NAV2: variants seen among roughly 807,000 people sequenced by gnomAD.
NAV2 encodes helicase, APC down-regulated 1.
Under a neutral mutation model 223.2 loss-of-function variants are expected in NAV2, and 54 were observed. The observed-to-expected ratio is 0.24, with a 90% CI of 0.19 to 0.30. The LOEUF (loss-of-function observed/expected upper bound fraction) is 0.30. Ranked by LOEUF, NAV2 falls within the 10% of genes least tolerant of loss-of-function variation. NAV2 has a pLI of 1.00. For missense variants in NAV2, 2,806 were observed against 3,147.5 expected, an observed-to-expected ratio of 0.89 and a Z score of 2.60; for synonymous variants, 1,279 against 1,239.3, an observed-to-expected ratio of 1.03 and a Z score of -0.67.
At chr11:20,079,386 G>T (rs1045212033) in intron 24 of NAV2, among the ~76,000 whole-genome samples, 4 of 152,102 alleles carry the variant, frequency 2.6e-5, no homozygotes, top group Non-Finnish European at 5.9e-5. Flanking sequence ...ACTGAAGTGG[G>T]GCTAGAACCT....
At chr11:20,014,727 C>T (rs1409100751) in intron 11 of NAV2, among the ~76,000 whole-genome samples, 1 of 152,138 alleles carries the variant, frequency 6.6e-6, no homozygotes, top group Non-Finnish European at 1.5e-5. Context: ...CATGGCGAAA[C>T]CCTCTCTCTA....
intron 21 of NAV2, 28 bp from the exon 22 acceptor site, chr11:20,068,296 A>C: frequency 6.2e-7 from 1 of 1,612,462 alleles, no homozygotes. Context: ...CCCCCAAAGC[A>C]TGTAACCCTC....
At chr11:19,551,745 A>G (rs2044696776) in intron 1 of NAV2, among the ~76,000 whole-genome samples, 1 of 150,732 alleles carries the variant, frequency 6.6e-6, no homozygotes, top group Admixed American at 6.6e-5. Flanking sequence ...TGGGGGAAAA[A>G]ATGGTTAGTT....
intron 1 of NAV2, among the ~76,000 whole-genome samples, chr11:19,523,791 A>T (rs1051144316): frequency 2.0e-5 from 3 of 151,986 alleles, no homozygotes; most frequent in Admixed American, 6.6e-5. Context: ...CTCACTCTCT[A>T]TACCCCAGTG....
At chr11:19,846,563 T>C (rs1469655494) in intron 3 of NAV2, among the ~76,000 whole-genome samples, 1 of 152,204 alleles carries the variant, frequency 6.6e-6, no homozygotes, top group African/African-American at 2.4e-5. Flanking sequence ...CACAACCCGG[T>C]TGGAAACGGC....
At chr11:19,943,448 G>A (rs796149770) in intron 8 of NAV2, among the ~76,000 whole-genome samples, 8 of 152,208 alleles carry the variant, frequency 5.3e-5, no homozygotes, top group Non-Finnish European at 1.0e-4. Flanking sequence ...GGTGGAAGGA[G>A]AAATTGGAAA....
At chr11:20,046,301 A>T (rs993271814) in intron 14 of NAV2, among the ~76,000 whole-genome samples, 7 of 150,002 alleles carry the variant, frequency 4.7e-5, no homozygotes, top group African/African-American at 1.7e-4. Context: ...ACACCACTGC[A>T]CTCCAGCCTG....
intron 1 of NAV2, among the ~76,000 whole-genome samples, chr11:19,770,693 G>A (rs1239299602): frequency 6.6e-6 from 1 of 152,130 alleles, no homozygotes. Flanking sequence ...TTTCAAATTA[G>A]TCTTCAATTA....
At chr11:19,492,271 T>TC (rs1388140122) in intron 1 of NAV2, among the ~76,000 whole-genome samples, 1 of 151,652 alleles carries the variant, frequency 6.6e-6, no homozygotes, top group Non-Finnish European at 1.5e-5. Context: ...CCACAACCTT[T>TC]CAATTTGTTT....
At chr11:19,583,735 A>G (rs1168500214) in intron 1 of NAV2, among the ~76,000 whole-genome samples, 1 of 152,136 alleles carries the variant, frequency 6.6e-6, no homozygotes, top group South Asian at 2.1e-4. Context: ...AGCCCACTTG[A>G]TCGTGGTGGA....
chr11:19,897,764 C>T (rs916900940), intron 6 of NAV2, among the ~76,000 whole-genome samples: 2 of 151,776 alleles, frequency 1.3e-5, no homozygotes, highest in African/African-American at 4.8e-5. Flanking sequence ...TCTGCAGAAC[C>T]TTTAGGAAAA....
At chr11:19,836,563 CAAAA>C (rs34706618) in intron 2 of NAV2, among the ~76,000 whole-genome samples, 4 of 82,558 alleles carry the variant, frequency 4.8e-5, no homozygotes, top group Non-Finnish European at 8.7e-5. Flanking sequence ...GACTCTGTCT[CAAAA>C]AAAAAAAAAA....
chr11:19,435,723 C>A (rs749720184), intron 1 of NAV2, among the ~76,000 whole-genome samples: 24 of 152,202 alleles, frequency 1.6e-4, no homozygotes, highest in Non-Finnish European at 3.4e-4. Flanking sequence ...CTTCCATAGT[C>A]TCACCAACAC....
chr11:19,552,351 A>G (rs1191076024), intron 1 of NAV2, among the ~76,000 whole-genome samples: 2 of 152,162 alleles, frequency 1.3e-5, no homozygotes, highest in Non-Finnish European at 2.9e-5. Context: ...TTGAGTGTTC[A>G]GCCTCCCCAC....
At chr11:19,592,156 T>C (rs2046079479) in intron 1 of NAV2, among the ~76,000 whole-genome samples, 1 of 152,268 alleles carries the variant, frequency 6.6e-6, no homozygotes, top group East Asian at 1.9e-4. Context: ...GATTTGTTGC[T>C]CATTCAGCGC....
chr11:19,762,481 T>C (rs1361590598), intron 1 of NAV2, among the ~76,000 whole-genome samples: 1 of 152,234 alleles, frequency 6.6e-6, no homozygotes, highest in Non-Finnish European at 1.5e-5. Context: ...TGTTGCAATA[T>C]GCTGTATTAG....
intron 1 of NAV2, among the ~76,000 whole-genome samples, chr11:19,731,986 T>C (rs2051820616): frequency 6.6e-6 from 1 of 152,158 alleles, no homozygotes; most frequent in Non-Finnish European, 1.5e-5. Flanking sequence ...TTGCAAAGGA[T>C]AATGATTAAG....
intron 1 of NAV2, among the ~76,000 whole-genome samples, chr11:19,757,617 G>A (rs149435966): frequency 6.6e-6 from 1 of 152,248 alleles, no homozygotes; most frequent in East Asian, 1.9e-4. Flanking sequence ...GAGGATTTCT[G>A]GGAAAGTGCT....
At chr11:19,389,134 C>A (rs1232484628) in intron 1 of NAV2, among the ~76,000 whole-genome samples, 2 of 152,214 alleles carry the variant, frequency 1.3e-5, no homozygotes, top group Non-Finnish European at 2.9e-5. Flanking sequence ...CTGATGGAAG[C>A]AAAACTCATA....
Sources: gnomAD v4.1 joint callset for allele counts (sites outside exome capture counted in the v4.1 genomes callset) on GRCh38, gnomAD v4.1.1 for gene constraint, MANE v1.5 for transcripts, NCBI Gene and HGNC (gene_info 2026-07-23, HGNC 2026-07-21) for gene names.